METTL16: variants seen among roughly 807,000 people sequenced by gnomAD.
The protein encoded by METTL16 is RNA N(6)-adenosine-methyltransferase METTL16.
METTL16 carries 19 observed loss-of-function variants against 57.9 expected under a neutral mutation model. The ratio of observed to expected loss-of-function variants is 0.33; its 90% CI spans 0.23 to 0.48. The LOEUF is 0.48. Among genes scored for constraint, METTL16 ranks in the 20% least tolerant of loss-of-function variants. METTL16 has a pLI of 0.99. For missense variants in METTL16, 434 were observed against 691.5 expected (o/e 0.63, Z 4.18); for synonymous variants, 246 against 255.6 (o/e 0.96, Z 0.36).
At chr17:2,446,853 G>C (rs1231041008) in intron 6 of METTL16, among the ~76,000 whole-genome samples, 1 of 152,156 alleles carries the variant, frequency 6.6e-6, no homozygotes, top group Non-Finnish European at 1.5e-5. Flanking sequence ...GGGGTGCCGG[G>C]ATTGCGGATG....
intron 1 of METTL16, among the ~76,000 whole-genome samples, chr17:2,507,382 G>A (rs1347602803): frequency 1.4e-5 from 2 of 146,932 alleles, no homozygotes; most frequent in African/African-American, 5.1e-5. Context: ...AGGTGGGGGG[G>A]TCAGCCCCCA....
chr17:2,427,944 T>C (rs1461990797), intron 8 of METTL16, among the ~76,000 whole-genome samples: 1 of 96,402 alleles, frequency 1.0e-5, no homozygotes, highest in Admixed American at 1.2e-4. Flanking sequence ...CAAAACTCCA[T>C]CTTTACCCAA....
At chr17:2,508,672 T>G (rs921060476) in intron 1 of METTL16, among the ~76,000 whole-genome samples, 2 of 152,106 alleles carry the variant, frequency 1.3e-5, no homozygotes, top group African/African-American at 4.8e-5. Flanking sequence ...GATCTCTTCA[T>G]AAACACTCTT....
chr17:2,498,976 G>C (rs890472864), intron 2 of METTL16, among the ~76,000 whole-genome samples: 1 of 151,526 alleles, frequency 6.6e-6, no homozygotes, highest in Non-Finnish European at 1.5e-5. Context: ...CCTCTGCCTG[G>C]AATACTCTTC....
At chr17:2,428,472 G>A (rs1164633408) in intron 8 of METTL16, among the ~76,000 whole-genome samples, 1 of 132,472 alleles carries the variant, frequency 7.5e-6, no homozygotes, top group Non-Finnish European at 1.5e-5. Flanking sequence ...AGCTTGCAGT[G>A]AGCTGAGATC....
At chr17:2,470,483 C>G (rs577693468) in intron 4 of METTL16, among the ~76,000 whole-genome samples, 4 of 152,248 alleles carry the variant, frequency 2.6e-5, no homozygotes, top group Non-Finnish European at 5.9e-5. Context: ...TGAATGACCA[C>G]AAAAGTACCA....
intron 1 of METTL16, among the ~76,000 whole-genome samples, chr17:2,508,546 T>C (rs1055246400): frequency 2.0e-5 from 3 of 152,128 alleles, no homozygotes; most frequent in African/African-American, 7.2e-5. Flanking sequence ...AGGTCCTGAA[T>C]ACTCCATCTC....
In METTL16 at chr17:2,497,712, T is replaced by C. The variant is rs908633863; in HGVS notation, c.128+4492A>G. On this transcript the variant is annotated intron_variant, in intron 2 of 9. Transcript: ENST00000263092. ...TAGATATGTTGTAAAAACACATCTG[T>C]TAGGTCTGCTTCAGACTGACAGGTT... Among the ~76,000 whole-genome samples the C allele has an allele frequency of 4.0e-5, 6 of 151,482 alleles. 1 individual carries two copies. Among genetic ancestry groups the C allele is most frequent in the African/African-American group, 1.5e-4 (6 of 40,844 alleles).
chr17:2,463,420 C>G (rs1043442489), intron 6 of METTL16, among the ~76,000 whole-genome samples: 2 of 152,124 alleles, frequency 1.3e-5, no homozygotes, highest in Non-Finnish European at 2.9e-5. Context: ...ACACAGTCTT[C>G]GCAGATTGTA....
intron 8 of METTL16, among the ~76,000 whole-genome samples, chr17:2,421,936 G>A (rs1051878380): frequency 2.0e-5 from 3 of 152,144 alleles, no homozygotes; most frequent in Non-Finnish European, 4.4e-5. Context: ...AGAAAATCAC[G>A]ACTGGCATCT....
At chr17:2,508,870 C>G (rs925181477) in intron 1 of METTL16, among the ~76,000 whole-genome samples, 1 of 152,192 alleles carries the variant, frequency 6.6e-6, no homozygotes, top group Non-Finnish European at 1.5e-5. Context: ...CCACTTTCCC[C>G]TTCCAGACAT....
intron 6 of METTL16, among the ~76,000 whole-genome samples, chr17:2,460,885 C>CAA (rs1369970185): frequency 0.011 from 643 of 57,778 alleles, 2 homozygotes; most frequent in African/African-American, 0.034. Flanking sequence ...AACTCAGTCT[C>CAA]AAAAAAAAAA....
At chr17:2,467,183 G>A (rs1035293897) in intron 5 of METTL16, among the ~76,000 whole-genome samples, 2 of 151,976 alleles carry the variant, frequency 1.3e-5, no homozygotes, top group African/African-American at 2.4e-5. Context: ...ACAGAGAGCC[G>A]AAAGTACTTC....
chr17:2,473,364 GA>G (rs1224133986), intron 4 of METTL16, among the ~76,000 whole-genome samples, 159 bp downstream of exon 4: 2 of 152,172 alleles, frequency 1.3e-5, no homozygotes, highest in African/African-American at 2.4e-5. Flanking sequence ...ACTATTTTCT[GA>G]GTTAATTCTG....
chr17:2,434,420 G>A (rs1027301942), intron 8 of METTL16, among the ~76,000 whole-genome samples: 1 of 152,066 alleles, frequency 6.6e-6, no homozygotes, highest in Admixed American at 6.5e-5. Flanking sequence ...TCATCATGTT[G>A]GCCAGGCTGG....
intron 8 of METTL16, among the ~76,000 whole-genome samples, chr17:2,421,546 G>T (rs1411126825): frequency 6.6e-6 from 1 of 152,124 alleles, no homozygotes; most frequent in Non-Finnish European, 1.5e-5. Context: ...GCTATCAGAT[G>T]TAACTCCTCC....
chr17:2,501,819 C>T (rs929518586), intron 2 of METTL16, among the ~76,000 whole-genome samples: 1 of 151,022 alleles, frequency 6.6e-6, no homozygotes, highest in Non-Finnish European at 1.5e-5. Context: ...GATCATGCCA[C>T]TGTACTCTAG....
intron 8 of METTL16, among the ~76,000 whole-genome samples, chr17:2,422,818 T>C (rs756365306): frequency 8.7e-5 from 12 of 138,236 alleles, no homozygotes; most frequent in Non-Finnish European, 1.6e-4. Flanking sequence ...ACCCCATCTC[T>C]AGTAAAAATA....
At chr17:2,487,669 T>C (rs1447892668) in intron 2 of METTL16, among the ~76,000 whole-genome samples, 1 of 152,024 alleles carries the variant, frequency 6.6e-6, no homozygotes, top group African/African-American at 2.4e-5. Context: ...AAGAGCTGCT[T>C]TGGTAGTGGT....
Sources: allele counts gnomAD v4.1 joint callset (sites outside exome capture counted in the v4.1 genomes callset), GRCh38; gene constraint gnomAD v4.1.1; transcripts MANE v1.5; gene names NCBI Gene and HGNC (gene_info 2026-07-23, HGNC 2026-07-21).